The following TMEM266 variants were observed in gnomAD, a reference collection of about 807,000 sequenced individuals.
TMEM266 encodes transmembrane protein 266, also known as Hv1 related protein 1.
TMEM266 carries 33 observed loss-of-function variants against 50.5 expected under a neutral mutation model. That is an observed-to-expected ratio of 0.65 (90% CI 0.50 to 0.87). The LOEUF (loss-of-function observed/expected upper bound fraction) is 0.87. TMEM266 is among the 40% of genes least tolerant of loss of function. The probability of loss-of-function intolerance (pLI) is 0.00; values close to 1 mark genes in which losing one functional copy is unlikely to be tolerated. For synonymous variants in TMEM266, 310 were observed against 292.3 expected (o/e 1.06, Z -0.62); for missense variants, 655 against 695.1 (o/e 0.94, Z 0.65).
rs1403407069 is a variant in TMEM266 at position 76,177,585 on chromosome 15, G to A, written c.768+1911G>A. On this transcript the variant is annotated intron_variant, in intron 8 of 10. Coordinates refer to ENST00000388942, the MANE Select transcript of TMEM266 (RefSeq NM_152335.3). ...TTTGTTTCGCACAGAATGCCTATGC[G>A]TGACAAGAGGGGTCATCAGGGGACA... is the stretch of plus-strand genomic sequence containing the variant. 3.3e-5 allele frequency among the ~76,000 whole-genome samples: 5 copies of A among 152,360 alleles called. No individual in the cohort carries two copies. In the South Asian group the frequency reaches 8.3e-4, roughly 25 times the overall value.
intron 8 of TMEM266, among the ~76,000 whole-genome samples, chr15:76,181,792 G>C (rs144867411): frequency 4.6e-5 from 7 of 152,272 alleles, no homozygotes; most frequent in African/African-American, 1.7e-4. Flanking sequence ...CTCATCTCAC[G>C]AAACCACCTC....
chr15:76,192,164 C>A lies in TMEM266; in HGVS notation c.958+7C>A. 1 of 1,395,504 alleles carries A rather than the reference C, an allele frequency of 7.2e-7. No homozygotes were observed. The highest frequency in any genetic ancestry group is 9.3e-7 in the Non-Finnish European group (1 of 1,078,740). 86.4% of individuals were successfully genotyped at this position (1,395,504 alleles called of 1,614,324 possible). On this transcript the variant is annotated splice_region_variant and intron_variant, in intron 9 of 10. Transcript: ENST00000388942. ...GAGCTGCAGCCCTCGCAAGGTAAGC[C>A]CGGGTCTCCACCCGGCCCCAGAGTG...
Position 76,160,119 on chromosome 15 carries a change from G to T in TMEM266, c.407G>T (p.Gly136Val), listed in dbSNP as rs1413079047. The T allele has an allele frequency of 6.2e-7, 1 of 1,614,214 alleles. No homozygotes were observed. Among genetic ancestry groups the T allele is most frequent in the South Asian group, 1.1e-5 (1 of 91,086 alleles). Residue 136 changes from glycine (G) to valine (V), a missense_variant, in exon 5 of 11, where the codon GGC becomes GTC. This residue lies in a region of TMEM266 where 101 missense variants were observed against 182.6 expected (regional missense o/e 0.55). Transcript: ENST00000388942. This position sits in a 1 kb window ranked among gnomAD's most constrained non-coding sequence, Gnocchi z 5.7. ...GTTTCCAGCGCATTCCAGTTTGCTG[G>T]CGTGATTCACTGGATCAGCCTGGTC...
chr15:76,175,246 G>A (rs921100038), intron 7 of TMEM266: 14 of 265,666 alleles, frequency 5.3e-5, no homozygotes, highest in Non-Finnish European at 9.4e-5. Flanking sequence ...TCCAGAAGGT[G>A]GTCTTGTGGC....
At chr15:76,105,230 A>G (rs2037062818) in intron 1 of TMEM266, among the ~76,000 whole-genome samples, 1 of 152,074 alleles carries the variant, frequency 6.6e-6, no homozygotes, top group East Asian at 1.9e-4. Context: ...TGAGTGACAC[A>G]GCGAGACTCC....
At chr15:76,064,253 A>G (rs2036367382) in intron 1 of TMEM266, among the ~76,000 whole-genome samples, 1 of 152,090 alleles carries the variant, frequency 6.6e-6, no homozygotes, top group Admixed American at 6.5e-5. Flanking sequence ...GCATTTTTTA[A>G]ACATTAAATA....
chr15:76,142,904 C>G (rs909704494), intron 3 of TMEM266, among the ~76,000 whole-genome samples: 3 of 152,188 alleles, frequency 2.0e-5, no homozygotes, highest in African/African-American at 7.2e-5. Context: ...CTCAAGGTCT[C>G]CAGCCTCGAC....
chr15:76,090,837 T>G (rs1249149153), intron 1 of TMEM266, among the ~76,000 whole-genome samples: 1 of 152,226 alleles, frequency 6.6e-6, no homozygotes, highest in Non-Finnish European at 1.5e-5. Context: ...GAATAAGTTA[T>G]AGTATTCTAT....
chr15:76,097,308 G>T (rs1226741295), intron 1 of TMEM266, among the ~76,000 whole-genome samples: 1 of 151,916 alleles, frequency 6.6e-6, no homozygotes, highest in Non-Finnish European at 1.5e-5. Flanking sequence ...CAGTCCTGAT[G>T]GTGACAAAAT....
In TMEM266 at chr15:76,199,971, A is replaced by AG. The variant is rs1378193122; in HGVS notation, c.959-2228dup. Among the ~76,000 whole-genome samples, 5 of 152,140 alleles carry AG rather than the reference A, an allele frequency of 3.3e-5. No homozygotes were observed. In the East Asian group the frequency reaches 9.7e-4, roughly 29 times the overall value. ...GGGCTTGTCCTTGGTACCTGTGTGGAGGGCAGGACCAGGACCTGTAAGCCT... is the reference window on the plus strand; with the variant it reads ...GGGCTTGTCCTTGGTACCTGTGTGGAGGGGCAGGACCAGGACCTGTAAGCCT... On this transcript the variant is annotated intron_variant, in intron 9 of 10. Coordinates refer to ENST00000388942, the MANE Select transcript of TMEM266 (RefSeq NM_152335.3).
chr15:76,147,810 C>T (rs575952776), intron 3 of TMEM266, among the ~76,000 whole-genome samples: 7 of 152,148 alleles, frequency 4.6e-5, no homozygotes, highest in Admixed American at 2.0e-4. Flanking sequence ...GCCTGCGGAA[C>T]GCTTGAGGCC....
At chr15:76,132,748 T>C (rs1396998451) in intron 1 of TMEM266, among the ~76,000 whole-genome samples, 1 of 150,892 alleles carries the variant, frequency 6.6e-6, no homozygotes, top group African/African-American at 2.4e-5. Context: ...TGAGCCAAAA[T>C]TGCGCCACTG....
chr15:76,079,883 A>C (rs2036661204), intron 1 of TMEM266, among the ~76,000 whole-genome samples: 1 of 152,030 alleles, frequency 6.6e-6, no homozygotes, highest in Non-Finnish European at 1.5e-5. Context: ...TATAGGTCGT[A>C]AGTTTGGAAA....
intron 1 of TMEM266, among the ~76,000 whole-genome samples, chr15:76,130,240 A>C (rs1232025259): frequency 6.6e-5 from 9 of 137,038 alleles, no homozygotes; most frequent in African/African-American, 1.1e-4. Context: ...AAAAAAAAAA[A>C]AAAAAAAAAA....
At chr15:76,134,331 T>A in intron 2 of TMEM266, 30 bp downstream of exon 2, 1 of 1,604,424 alleles carries the variant, frequency 6.2e-7, no homozygotes. Flanking sequence ...GCTCTCTGGA[T>A]CCAGAACTGT....
At chr15:76,194,777 C>T (rs2038630504) in intron 9 of TMEM266, among the ~76,000 whole-genome samples, 1 of 152,180 alleles carries the variant, frequency 6.6e-6, no homozygotes. Context: ...GTCTAGATTT[C>T]CCTTTTTTAT....
chr15:76,091,025 C>G (rs899521520), intron 1 of TMEM266, among the ~76,000 whole-genome samples: 5 of 152,040 alleles, frequency 3.3e-5, no homozygotes, highest in African/African-American at 1.2e-4. Flanking sequence ...CACTGTGTAT[C>G]CTATACATAT....
intron 8 of TMEM266, among the ~76,000 whole-genome samples, chr15:76,186,627 C>T (rs963687874): frequency 1.3e-5 from 2 of 152,232 alleles, no homozygotes; most frequent in African/African-American, 4.8e-5. Context: ...CTTATCCCTC[C>T]TCTTATCTCT....
At chr15:76,134,520 A>G (rs2037561334) in intron 2 of TMEM266, among the ~76,000 whole-genome samples, 1 of 152,248 alleles carries the variant, frequency 6.6e-6, no homozygotes, top group Admixed American at 6.5e-5. Context: ...TAGAAATCTG[A>G]GAGGGTTTCT....
Sources: gnomAD v4.1 joint callset for allele counts (sites outside exome capture counted in the v4.1 genomes callset) on GRCh38, gnomAD v4.1.1 for gene constraint, gnomAD v4.1.1 regional missense constraint, Gnocchi (gnomAD v3.1) non-coding constraint, MANE v1.5 for transcripts, NCBI Gene and HGNC (gene_info 2026-07-23, HGNC 2026-07-21) for gene names.